Variants in SPON1 observed in about 807,000 individuals in gnomAD.
SPON1 encodes the protein spondin-1.
In SPON1, 52 loss-of-function variants were observed where a neutral mutation model predicts 111.7. The observed-to-expected ratio is 0.47, with a 90% CI of 0.37 to 0.59. The LOEUF is 0.59. SPON1 is among the 20% of genes least tolerant of loss of function. The pLI, the probability that SPON1 is intolerant of heterozygous loss-of-function variation, is 0.00. For missense variants in SPON1, 957 were observed against 1,068.5 expected (o/e 0.90, Z 1.46); for synonymous variants, 410 against 395.8 (o/e 1.04, Z -0.43).
intron 6 of SPON1, among the ~76,000 whole-genome samples, chr11:14,170,955 C>CT (rs1233141574): frequency 1.3e-5 from 2 of 152,078 alleles, no homozygotes; most frequent in Non-Finnish European, 1.5e-5. Flanking sequence ...CTAAAATTCT[C>CT]TTTTTTTGTT....
chr11:14,018,741 G>A (rs1848460648), intron 2 of SPON1, among the ~76,000 whole-genome samples: 1 of 152,174 alleles, frequency 6.6e-6, no homozygotes, highest in Non-Finnish European at 1.5e-5. Context: ...TAGGGAGAGT[G>A]TAGCACAGGG....
intron 1 of SPON1, among the ~76,000 whole-genome samples, chr11:13,964,079 CGATCTGAA>C (rs1847996941): frequency 6.6e-6 from 1 of 152,182 alleles, no homozygotes; most frequent in African/African-American, 2.4e-5. Context: ...CGACCAGCAC[CGATCTGAA>C]GACGCCTGAC....
At chr11:14,115,263 T>A (rs571580829) in intron 5 of SPON1, among the ~76,000 whole-genome samples, 14 of 152,334 alleles carry the variant, frequency 9.2e-5, no homozygotes, top group Non-Finnish European at 2.1e-4. Flanking sequence ...AGTTTTTCTT[T>A]ATTAAAAGGG....
At chr11:14,172,482 G>T (rs1848117016) in intron 6 of SPON1, among the ~76,000 whole-genome samples, 1 of 151,704 alleles carries the variant, frequency 6.6e-6, no homozygotes, top group African/African-American at 2.4e-5. Flanking sequence ...GGAGCATTTA[G>T]CCCATTTACA....
intron 5 of SPON1, among the ~76,000 whole-genome samples, chr11:14,117,895 C>G (rs569504514): frequency 1.3e-5 from 2 of 152,306 alleles, no homozygotes; most frequent in East Asian, 1.9e-4. Context: ...GTTTCCTTAT[C>G]AATGAAATAG....
At chr11:14,107,369 G>A (rs1849192638) in intron 5 of SPON1, among the ~76,000 whole-genome samples, 1 of 152,126 alleles carries the variant, frequency 6.6e-6, no homozygotes, top group Admixed American at 6.5e-5. Context: ...GGGTCCCTAA[G>A]CAACCTTTGA....
chr11:14,259,311 C>G lies in SPON1; in HGVS notation c.1524C>G (p.Ile508Met). 1 of 1,612,898 alleles carries G rather than the reference C, an allele frequency of 6.2e-7. No individual in the cohort carries two copies. The change falls in exon 12 of 16, where the codon ATC (isoleucine) becomes ATG (methionine). Residue 508 changes from isoleucine to methionine, a missense_variant. Physicochemically the swap from Ile to Met is conservative, Grantham distance 10. Coordinates refer to ENST00000576479, the MANE Select transcript of SPON1 (RefSeq NM_006108.4). The surrounding 1 kb of genome is among the most constrained non-coding windows in gnomAD (Gnocchi z 5.0). Reference sequence around the variant, plus strand: ...CCACCTGCACCATGTCCGAGTGGATCACCTGGTCGCCCTGCAGCATCTCCT... The same window carrying G: ...CCACCTGCACCATGTCCGAGTGGATGACCTGGTCGCCCTGCAGCATCTCCT... ...DGSTCTMSEW[I>M]TWSPCSISCG...
At chr11:13,968,086 A>G (rs925991867) in intron 1 of SPON1, among the ~76,000 whole-genome samples, 1 of 152,224 alleles carries the variant, frequency 6.6e-6, no homozygotes, top group African/African-American at 2.4e-5. Flanking sequence ...GGGCTGGTAT[A>G]TCAGGAGCTT....
rs552475156 is a variant in SPON1, at chr11:14,064,227, GC to G, written c.480-11117del. Among the ~76,000 whole-genome samples the G allele has an allele frequency of 1.6e-3, 241 of 152,278 alleles. 4 individuals carry two copies. The highest frequency in any genetic ancestry group is 5.3e-3 in the African/African-American group (220 of 41,540). On this transcript the variant is annotated intron_variant, in intron 3 of 15. Coordinates refer to ENST00000576479, the MANE Select transcript of SPON1 (RefSeq NM_006108.4). ...AGGCAGAAATGCAAAATATAAACATGCAATAAATCAAAGGATAATACAAGAT... is the reference window on the plus strand; with the variant it reads ...AGGCAGAAATGCAAAATATAAACATGAATAAATCAAAGGATAATACAAGAT...
rs1164750668 is a variant in SPON1 at position 14,240,628 on chromosome 11, T to TGTGTGG, written c.826-2699_826-2698insGGTGTG. Among the ~76,000 whole-genome samples, 5 of 151,616 alleles carry TGTGTGG rather than the reference T, an allele frequency of 3.3e-5. No individual in the cohort carries two copies. In the East Asian group the frequency reaches 9.7e-4, roughly 29 times the overall value. On this transcript the variant is annotated intron_variant, in intron 6 of 15. Coordinates refer to ENST00000576479, the MANE Select transcript of SPON1 (RefSeq NM_006108.4). ...GTGTGTGTGTGTGTGTGTGTGTGTG[T>TGTGTGG]GTGTGTGTAGTTATATATTACAAAA...
chr11:14,254,783 G>C, intron 8 of SPON1, 54 bp downstream of exon 8: 1 of 1,560,794 alleles, frequency 6.4e-7, no homozygotes, highest in South Asian at 1.1e-5. Context: ...CGCTTCCTGA[G>C]TGTCCTGGAC....
intron 6 of SPON1, among the ~76,000 whole-genome samples, chr11:14,193,156 T>C (rs1848366229): frequency 2.0e-5 from 3 of 152,140 alleles, no homozygotes; most frequent in African/African-American, 7.2e-5. Context: ...ACTGGAAAAT[T>C]ATTTCAATGG....
intron 6 of SPON1, among the ~76,000 whole-genome samples, chr11:14,197,648 CAAAAAAA>C (rs11343423): frequency 1.3e-4 from 15 of 119,914 alleles, no homozygotes; most frequent in Non-Finnish European, 1.7e-4. Context: ...ACTAAATATA[CAAAAAAA>C]AAAAAAAAAA....
intron 6 of SPON1, among the ~76,000 whole-genome samples, chr11:14,197,190 A>C (rs2133894759): frequency 2.0e-5 from 3 of 152,316 alleles, no homozygotes; most frequent in Middle Eastern, 3.4e-3. Flanking sequence ...AATATTAAGT[A>C]ATAAGGCAGT....
chr11:14,245,255 G>A (rs558716680), intron 7 of SPON1, among the ~76,000 whole-genome samples: 55 of 152,248 alleles, frequency 3.6e-4, no homozygotes, highest in South Asian at 6.2e-4. Context: ...AAGCTACGGC[G>A]AGGCACCTGA....
intron 5 of SPON1, among the ~76,000 whole-genome samples, chr11:14,106,199 C>T (rs1849183037): frequency 6.6e-6 from 1 of 152,152 alleles, no homozygotes. Flanking sequence ...TTTTCATTTA[C>T]TATTTCCTTC....
At chr11:14,250,082 A>T (rs1423731015) in intron 7 of SPON1, among the ~76,000 whole-genome samples, 1 of 152,080 alleles carries the variant, frequency 6.6e-6, no homozygotes, top group Non-Finnish European at 1.5e-5. Context: ...TAGTGGGATC[A>T]TTGTCTTTTT....
chr11:14,231,593 C>G (rs6486184), intron 6 of SPON1, among the ~76,000 whole-genome samples: 59,111 of 152,054 alleles, frequency 0.39, 12,074 homozygotes, highest in East Asian at 0.52. Context: ...CTTATATATC[C>G]TTCCAGAGAT....
intron 2 of SPON1, among the ~76,000 whole-genome samples, chr11:14,038,958 CGTAA>C (rs1406164658): frequency 6.6e-6 from 1 of 152,136 alleles, no homozygotes; most frequent in African/African-American, 2.4e-5. Flanking sequence ...GATATCCTTC[CGTAA>C]GTGAGTGGAT....
Sources: allele counts gnomAD v4.1 joint callset (sites outside exome capture counted in the v4.1 genomes callset), GRCh38; gene constraint gnomAD v4.1.1; non-coding constraint Gnocchi (gnomAD v3.1); transcripts MANE v1.5; gene names NCBI Gene and HGNC (gene_info 2026-07-23, HGNC 2026-07-21).